Variants in SYNE1 observed in about 807,000 individuals in gnomAD.
SYNE1 encodes the protein nesprin-1.
A neutral mutation model predicts 1,111.0 loss-of-function variants in SYNE1; 616 were observed. The ratio of observed to expected loss-of-function variants is 0.55; its 90% CI spans 0.52 to 0.59. The LOEUF (loss-of-function observed/expected upper bound fraction) is 0.59, where lower values mean the gene tolerates loss of function less well. Among genes scored for constraint, SYNE1 ranks in the 20% least tolerant of loss-of-function variants. SYNE1 has a pLI of 0.00. For synonymous variants in SYNE1, 3,855 were observed against 3,825.8 expected (o/e 1.01, Z -0.28); for missense variants, 10,006 against 10,417.0 (o/e 0.96, Z 1.72).
At chr6:152,572,065 T>G (rs1020998548) in intron 3 of SYNE1, among the ~76,000 whole-genome samples, 2 of 152,194 alleles carry the variant, frequency 1.3e-5, no homozygotes, top group African/African-American at 4.8e-5. Context: ...ACTGACCTTT[T>G]GCCTGAAGCA....
At chr6:152,584,270 C>G (rs925893251) in intron 3 of SYNE1, among the ~76,000 whole-genome samples, 2 of 151,446 alleles carry the variant, frequency 1.3e-5, no homozygotes, top group South Asian at 4.2e-4. Flanking sequence ...GAGAGAGAGA[C>G]AGAGAGAAAG....
rs117050208 is a variant in SYNE1 at position 152,416,125 on chromosome 6, C to T, written c.6050+262G>A. 5.8e-4 allele frequency among the ~76,000 whole-genome samples: 89 copies of T among 152,260 alleles called. No homozygotes were observed. The East Asian group carries it at 0.016, about 28-fold the overall frequency. The stretch of plus-strand genomic sequence containing the variant: ...TCATCTCGTGCTCAGTAAATCAGCA[C>T]TTTACCTAAGACAAGGTGAACATAG... On this transcript the variant is annotated intron_variant, in intron 41 of 145. Coordinates refer to ENST00000367255, the MANE Select transcript of SYNE1 (RefSeq NM_182961.4).
intron 3 of SYNE1, among the ~76,000 whole-genome samples, chr6:152,599,388 C>T (rs1228937059): frequency 6.6e-6 from 1 of 152,208 alleles, no homozygotes; most frequent in Non-Finnish European, 1.5e-5. Context: ...CTCCCACTTC[C>T]CGCCCTTGAC....
intron 26 of SYNE1, 30 bp from the exon 27 acceptor site, chr6:152,450,863 C>G (rs754145404): frequency 6.2e-7 from 1 of 1,609,582 alleles, no homozygotes; most frequent in South Asian, 1.1e-5. Flanking sequence ...TTTATAATCC[C>G]TGTGAGAAGC....
chr6:152,314,152 G>C (rs1285978582), intron 87 of SYNE1, among the ~76,000 whole-genome samples: 1 of 152,172 alleles, frequency 6.6e-6, no homozygotes, highest in African/African-American at 2.4e-5. Flanking sequence ...TCCAAAGGCT[G>C]CTAAATTTGC....
At position 152,413,212 on chromosome 6, in the gene SYNE1, A is replaced by G. The variant is rs936207797; in HGVS notation, c.6230+140T>C. 100 of 1,016,100 alleles carry G rather than the reference A, an allele frequency of 9.8e-5. No homozygotes were observed. In the African/African-American group the frequency reaches 1.4e-3, roughly 14 times the overall value. 62.9% of individuals were successfully genotyped at this position (1,016,100 alleles called of 1,614,324 possible). A position where few individuals can be genotyped will look rare whatever the true frequency, so the allele number is the denominator to read the frequency against. ...TTCTGTCGAAATAAGTAAATTTTCA[A>G]TGTTATGAAAGTGACACAGAATATC... On this transcript the variant is annotated intron_variant, in intron 42 of 145. Transcript: ENST00000367255.
rs369226397 is a variant in SYNE1 at position 152,262,695 on chromosome 6, G to T, written c.18816-507C>A. 1.5e-3 allele frequency among the ~76,000 whole-genome samples: 222 copies of T among 151,826 alleles called. 1 individual carries two copies. The highest frequency in any genetic ancestry group is 5.0e-3 in the African/African-American group (209 of 41,400). On this transcript the variant is annotated intron_variant, in intron 100 of 145. Transcript: ENST00000367255. The stretch of plus-strand genomic sequence containing the variant: ...GGGAAGGTAGTACAGGGCATGGAGG[G>T]ATAGTACAGGACCTGGGAAGGTAGT...
chr6:152,569,094 C>T (rs1008518088), intron 3 of SYNE1, among the ~76,000 whole-genome samples: 2 of 152,092 alleles, frequency 1.3e-5, no homozygotes, highest in African/African-American at 4.8e-5. Context: ...CCTTAAAGTG[C>T]CCAGAGCAGC....
chr6:152,299,266 A>G (rs953933161), intron 93 of SYNE1, among the ~76,000 whole-genome samples: 5 of 152,218 alleles, frequency 3.3e-5, no homozygotes, highest in African/African-American at 1.2e-4. Context: ...TTTTTTCTAT[A>G]TAATAATCAG....
intron 131 of SYNE1, 81 bp downstream of exon 131, chr6:152,164,082 A>G (rs2063109009): frequency 6.3e-7 from 1 of 1,584,582 alleles, no homozygotes; most frequent in Non-Finnish European, 8.7e-7. Flanking sequence ...TCCAGGCACC[A>G]TCTCATGCCC....
chr6:152,378,684 G>A (rs1384753751), intron 56 of SYNE1, among the ~76,000 whole-genome samples: 2 of 151,962 alleles, frequency 1.3e-5, no homozygotes, highest in Non-Finnish European at 2.9e-5. Flanking sequence ...CACCTGTCAG[G>A]TCACATTTTA....
At chr6:152,299,540 C>A (rs1435652318) in intron 93 of SYNE1, among the ~76,000 whole-genome samples, 1 of 152,200 alleles carries the variant, frequency 6.6e-6, no homozygotes, top group African/African-American at 2.4e-5. Flanking sequence ...GCTGCATCCT[C>A]AGGAACCAAC....
chr6:152,558,002 C>T (rs1406631491), intron 3 of SYNE1, among the ~76,000 whole-genome samples: 1 of 152,124 alleles, frequency 6.6e-6, no homozygotes, highest in Non-Finnish European at 1.5e-5. Flanking sequence ...AAAGCTACAA[C>T]AATTTGTTAA....
chr6:152,275,417 CAG>C (rs2153698227), intron 98 of SYNE1, among the ~76,000 whole-genome samples: 1 of 152,220 alleles, frequency 6.6e-6, no homozygotes, highest in African/African-American at 2.4e-5. Flanking sequence ...TGATTATTTA[CAG>C]AGTGAGTCAT....
chr6:152,419,803 AC>A, intron 39 of SYNE1, 81 bp from the exon 40 acceptor site: 1 of 1,476,644 alleles, frequency 6.8e-7, no homozygotes, highest in Non-Finnish European at 9.4e-7. Context: ...AATTAAGCTT[AC>A]CCAAGGGCAA....
chr6:152,208,441 G>T (rs890150963), intron 124 of SYNE1, among the ~76,000 whole-genome samples: 7 of 152,148 alleles, frequency 4.6e-5, no homozygotes, highest in African/African-American at 1.7e-4. Context: ...AGCATAGGTT[G>T]AAGGCAAATA....
intron 87 of SYNE1, chr6:152,315,090 T>C (rs1019846181): frequency 5.9e-5 from 9 of 151,572 alleles, no homozygotes; most frequent in African/African-American, 2.2e-4. Flanking sequence ...ATTTAAGTTT[T>C]CTTTAAACTT....
intron 3 of SYNE1, among the ~76,000 whole-genome samples, chr6:152,608,049 G>A (rs912607476): frequency 1.3e-5 from 2 of 152,116 alleles, no homozygotes; most frequent in Admixed American, 1.3e-4. Context: ...GAGGGGCAAG[G>A]GGAGGGAACC....
At chr6:152,377,625 AAAAAAAAAAAAAAAAATAT>A (rs1486071657) in intron 56 of SYNE1, among the ~76,000 whole-genome samples, 2 of 107,698 alleles carry the variant, frequency 1.9e-5, no homozygotes, top group Non-Finnish European at 3.5e-5. Context: ...AAAAAAAAAA[AAAAAAAAAAAAAAAAATAT>A]ATATATATAT....
Sources: allele counts gnomAD v4.1 joint callset (sites outside exome capture counted in the v4.1 genomes callset), GRCh38; gene constraint gnomAD v4.1.1; transcripts MANE v1.5; gene names NCBI Gene and HGNC (gene_info 2026-07-23, HGNC 2026-07-21).